PPFIA2: variants seen among roughly 807,000 people sequenced by gnomAD.
The protein encoded by PPFIA2 is liprin-alpha-2.
A neutral mutation model predicts 175.5 loss-of-function variants in PPFIA2; 46 were observed. The ratio of observed to expected loss-of-function variants is 0.26; its 90% confidence interval spans 0.21 to 0.34. PPFIA2 has a LOEUF of 0.34. Ranked by LOEUF, PPFIA2 falls within the 10% of genes least tolerant of loss-of-function variation. The pLI is 1.00. For synonymous variants in PPFIA2, 568 were observed against 511.4 expected (o/e 1.11, Z -1.49); for missense variants, 1,179 against 1,506.1 (o/e 0.78, Z 3.60).
chr12:81,757,086 G>C (rs1004727975), intron 2 of PPFIA2, among the ~76,000 whole-genome samples: 7 of 151,992 alleles, frequency 4.6e-5, no homozygotes, highest in African/African-American at 1.7e-4. Context: ...CAAAATATTT[G>C]ATTAATCCTT....
chr12:81,273,419 T>G (rs1480740997), intron 28 of PPFIA2, among the ~76,000 whole-genome samples: 1 of 152,188 alleles, frequency 6.6e-6, no homozygotes, highest in Non-Finnish European at 1.5e-5. Context: ...TTTTCCAAGA[T>G]CATAACCTCT....
chr12:81,451,774 G>T (rs530046535), intron 5 of PPFIA2, among the ~76,000 whole-genome samples: 51 of 152,146 alleles, frequency 3.4e-4, no homozygotes, highest in Non-Finnish European at 5.7e-4. Flanking sequence ...CAATTATTCA[G>T]ATTGAAGAAT....
chr12:81,433,745 T>C (rs543835531), intron 7 of PPFIA2, among the ~76,000 whole-genome samples: 309 of 152,046 alleles, frequency 2.0e-3, no homozygotes, highest in Non-Finnish European at 3.5e-3. Flanking sequence ...AAACATATAT[T>C]GATCAAGAGG....
intron 4 of PPFIA2, among the ~76,000 whole-genome samples, chr12:81,462,810 G>C (rs1020315892): frequency 2.0e-5 from 3 of 151,632 alleles, no homozygotes; most frequent in Non-Finnish European, 4.4e-5. Context: ...GAATGAATGA[G>C]AGCATATGCA....
At chr12:81,331,308 A>C (rs2056079941) in intron 21 of PPFIA2, among the ~76,000 whole-genome samples, 1 of 152,200 alleles carries the variant, frequency 6.6e-6, no homozygotes, top group Non-Finnish European at 1.5e-5. Flanking sequence ...CTATACCTAT[A>C]GTCTAGGTGT....
In PPFIA2 at chr12:81,339,179, C is replaced by T. The variant is rs2057628573; in HGVS notation, c.2548+1G>A. 1 of 1,589,110 alleles carries T rather than the reference C, an allele frequency of 6.3e-7. No individual in the cohort carries two copies. The highest frequency in any genetic ancestry group is 8.6e-7 in the Non-Finnish European group (1 of 1,168,284). ...GAAAGTCTTAACACATGCATACTTA[C>T]GGAGCTGCCCAAGTCGAGCTTTTTC... On this transcript the variant is annotated splice_donor_variant, in intron 21 of 32. Transcript: ENST00000549396. LOFTEE classifies it high-confidence loss of function.
intron 3 of PPFIA2, among the ~76,000 whole-genome samples, chr12:81,751,779 C>A (rs2083847745): frequency 6.6e-6 from 1 of 152,146 alleles, no homozygotes; most frequent in African/African-American, 2.4e-5. Flanking sequence ...AAAACATTTT[C>A]ATTCTTGTAC....
intron 4 of PPFIA2, among the ~76,000 whole-genome samples, chr12:81,582,004 A>T (rs1204633918): frequency 1.3e-5 from 2 of 151,920 alleles, no homozygotes; most frequent in African/African-American, 4.8e-5. Flanking sequence ...TAACGTTTCA[A>T]GTTTAGATAT....
intron 4 of PPFIA2, among the ~76,000 whole-genome samples, chr12:81,540,160 C>T (rs1203793472): frequency 6.6e-6 from 1 of 151,994 alleles, no homozygotes; most frequent in Non-Finnish European, 1.5e-5. Context: ...CTCCTGTTCT[C>T]TTGCCCTATC....
At chr12:81,357,699 A>G (rs1020832275) in intron 16 of PPFIA2, among the ~76,000 whole-genome samples, 2 of 152,202 alleles carry the variant, frequency 1.3e-5, no homozygotes, top group African/African-American at 4.8e-5. Context: ...TTGGCAATGT[A>G]GCATAATAGT....
At chr12:81,641,992 T>C (rs2065029013) in intron 4 of PPFIA2, among the ~76,000 whole-genome samples, 1 of 152,154 alleles carries the variant, frequency 6.6e-6, no homozygotes, top group South Asian at 2.1e-4. Context: ...ACTGATTAAA[T>C]TCATTGAATA....
intron 8 of PPFIA2, among the ~76,000 whole-genome samples, chr12:81,399,430 C>T (rs187563401): frequency 8.5e-4 from 129 of 152,018 alleles, no homozygotes; most frequent in African/African-American, 2.9e-3. Context: ...CACACAATAA[C>T]CCAGTCACTG....
chr12:81,660,213 G>T (rs1280332628), intron 4 of PPFIA2, among the ~76,000 whole-genome samples: 1 of 152,174 alleles, frequency 6.6e-6, no homozygotes, highest in African/African-American at 2.4e-5. Flanking sequence ...ACTTTGACGA[G>T]TTGAGAGAAG....
At chr12:81,590,954 G>A (rs934160826) in intron 4 of PPFIA2, among the ~76,000 whole-genome samples, 6 of 152,154 alleles carry the variant, frequency 3.9e-5, no homozygotes, top group African/African-American at 1.4e-4. Context: ...CTTTGGAACT[G>A]GATAACTGGC....
At position 81,341,139 on chromosome 12, in the gene PPFIA2, T is replaced by C; in HGVS notation, c.2332A>G (p.Thr778Ala). ...TGAGTCATTCTGAGGGCTCTAGGGG[T>C]AGGAGGAGGAGAAGTTTCACATTTA... ...TIKCETSPPP[T>A]PRALRMTHTL... is the part of the protein sequence containing the mutation. The change falls in exon 20 of 33, where the codon ACC (threonine) becomes GCC (alanine). Residue 778 changes from threonine (T) to alanine (A), a missense_variant. Coordinates refer to ENST00000549396, the MANE Select transcript of PPFIA2 (RefSeq NM_003625.5). 6.2e-7 allele frequency: 1 copy of C among 1,611,190 alleles called. No homozygotes were observed. The highest frequency in any genetic ancestry group is 2.2e-5 in the East Asian group (1 of 44,782).
chr12:81,592,587 G>A lies in PPFIA2; in HGVS notation c.303+84204C>T, dbSNP rs552854091. On this transcript the variant is annotated intron_variant, in intron 4 of 32. Coordinates refer to ENST00000549396, the MANE Select transcript of PPFIA2 (RefSeq NM_003625.5). ...GTGAATGAGTCTCATGAGATCTGAC[G>A]GTTTTAAAAAGAAGAGCACAAGCTC... is the stretch of plus-strand genomic sequence containing the variant. Among the ~76,000 whole-genome samples the A allele has an allele frequency of 3.3e-5, 5 of 152,098 alleles. No individual in the cohort carries two copies. The South Asian group carries it at 1.0e-3, about 32-fold the overall frequency.
At chr12:81,688,574 G>A (rs969203851) in intron 3 of PPFIA2, among the ~76,000 whole-genome samples, 1 of 150,728 alleles carries the variant, frequency 6.6e-6, no homozygotes, top group African/African-American at 2.4e-5. Context: ...TTTCAACTCA[G>A]TAAATAGTAG....
intron 20 of PPFIA2, 117 bp downstream of exon 20, chr12:81,340,961 G>A (rs1315322312): frequency 9.0e-7 from 1 of 1,113,072 alleles, no homozygotes; most frequent in African/African-American, 1.6e-5. Context: ...AAGGGAAGCT[G>A]GAGAATTCTG....
intron 4 of PPFIA2, among the ~76,000 whole-genome samples, chr12:81,674,269 G>C (rs1252116255): frequency 6.6e-6 from 1 of 151,928 alleles, no homozygotes; most frequent in Non-Finnish European, 1.5e-5. Context: ...GATGTATTCT[G>C]TTCAATAAAT....
Sources: gnomAD v4.1 joint callset for allele counts (sites outside exome capture counted in the v4.1 genomes callset) on GRCh38, gnomAD v4.1.1 for gene constraint, MANE v1.5 for transcripts, NCBI Gene and HGNC (gene_info 2026-07-23, HGNC 2026-07-21) for gene names.